The following ADGRE3 variants were observed in gnomAD, a reference collection of about 807,000 sequenced individuals.
The protein encoded by ADGRE3 is adhesion G protein-coupled receptor E3.
ADGRE3 carries 88 observed loss-of-function variants against 80.1 expected under a neutral mutation model. That is an observed-to-expected ratio of 1.10 (90% CI 0.93 to 1.31). ADGRE3 has a LOEUF of 1.31. Among genes scored for constraint, ADGRE3 ranks in the 40% most tolerant of loss-of-function variants. ADGRE3 has a pLI of 0.00. For synonymous variants in ADGRE3, 281 were observed against 294.8 expected, an observed-to-expected ratio of 0.95 and a Z score of 0.48; for missense variants, 715 against 776.5, an observed-to-expected ratio of 0.92 and a Z score of 0.94.
At chr19:14,651,325 G>T in intron 6 of ADGRE3, 121 bp from the exon 7 acceptor site, 1 of 1,089,176 alleles carries the variant, frequency 9.2e-7, no homozygotes, top group Non-Finnish European at 1.3e-6. Flanking sequence ...TGAGGCAGAA[G>T]GATTGCTTGG....
At chr19:14,619,085 A>C (rs1011769960), downstream of ADGRE3, 3 of 297,456 alleles carry the variant, frequency 1.0e-5, no homozygotes, top group Admixed American at 1.7e-4. Context: ...TGGGTGACAG[A>C]GTGAAACTCT....
At chr19:14,629,760 T>G (rs1970826965) in intron 14 of ADGRE3, among the ~76,000 whole-genome samples, 1 of 152,172 alleles carries the variant, frequency 6.6e-6, no homozygotes, top group Non-Finnish European at 1.5e-5. Flanking sequence ...TTTGAGGTTG[T>G]TTGTTACACA....
At chr19:14,670,340 G>C (rs906800516) in intron 1 of ADGRE3, among the ~76,000 whole-genome samples, 1 of 152,098 alleles carries the variant, frequency 6.6e-6, no homozygotes, top group Middle Eastern at 3.2e-3. Flanking sequence ...AGCTGATGAG[G>C]CTGCATTTCC....
chr19:14,624,857 T>C (rs573525971), intron 15 of ADGRE3, among the ~76,000 whole-genome samples: 17 of 151,628 alleles, frequency 1.1e-4, no homozygotes, highest in African/African-American at 4.1e-4. Context: ...CACTTGTAAG[T>C]GGGAGCTGAA....
At chr19:14,629,168 C>G (rs1175853827) in intron 14 of ADGRE3, among the ~76,000 whole-genome samples, 4 of 152,132 alleles carry the variant, frequency 2.6e-5, no homozygotes, top group African/African-American at 9.7e-5. Flanking sequence ...AAGTGATCCC[C>G]CTGTGCTGGC....
At chr19:14,603,444 A>G in the ADGRE3 span, among the ~76,000 whole-genome samples, 1 of 152,108 alleles carries the variant, frequency 6.6e-6, no homozygotes, top group African/African-American at 2.4e-5. Flanking sequence ...CAATGAGACA[A>G]TCTGTGCAAA....
intron 15 of ADGRE3, chr19:14,621,988 G>C: frequency 9.8e-7 from 1 of 1,021,304 alleles, no homozygotes; most frequent in South Asian, 1.6e-5. Context: ...GGACCGGCTG[G>C]GGTAATTTGT....
intron 9 of ADGRE3, 89 bp downstream of exon 9, chr19:14,644,019 G>GTTTT: frequency 2.4e-5 from 16 of 673,026 alleles, no homozygotes; most frequent in East Asian, 1.5e-4. Flanking sequence ...CCTTTTTTCA[G>GTTTT]TTTTTTTTTT....
chr19:14,652,489 C>G (rs937667369), intron 6 of ADGRE3, among the ~76,000 whole-genome samples: 1 of 151,700 alleles, frequency 6.6e-6, no homozygotes, highest in Non-Finnish European at 1.5e-5. Context: ...AAGAATGACA[C>G]TATTTTATGG....
At chr19:14,629,772 C>A (rs1045639270) in intron 14 of ADGRE3, among the ~76,000 whole-genome samples, 2 of 152,058 alleles carry the variant, frequency 1.3e-5, no homozygotes, top group Non-Finnish European at 2.9e-5. Context: ...TGTTACACAG[C>A]ATTAGCTGAC....
intron 7 of ADGRE3, among the ~76,000 whole-genome samples, chr19:14,650,515 TC>T (rs1001373752): frequency 9.9e-5 from 15 of 151,622 alleles, no homozygotes; most frequent in African/African-American, 3.6e-4. Context: ...CATCTGTCTC[TC>T]CCCATGTCTC....
chr19:14,629,905 A>T, intron 14 of ADGRE3, 134 bp downstream of exon 14: 1 of 525,412 alleles, frequency 1.9e-6, no homozygotes, highest in East Asian at 2.9e-5. Flanking sequence ...AAAGTAGAGA[A>T]AATAGAGAGA....
intron 14 of ADGRE3, 101 bp downstream of exon 14, chr19:14,629,938 C>A: frequency 1.4e-6 from 1 of 728,310 alleles, no homozygotes. Context: ...GGATTATAAT[C>A]TCATGTGGAA....
intron 10 of ADGRE3, among the ~76,000 whole-genome samples, chr19:14,638,944 C>G (rs1971175044): frequency 6.6e-6 from 1 of 152,150 alleles, no homozygotes; most frequent in Non-Finnish European, 1.5e-5. Flanking sequence ...CTCTGTCACC[C>G]AGGCTGGAGT....
intron 9 of ADGRE3, among the ~76,000 whole-genome samples, chr19:14,643,875 G>A (rs142483365): frequency 1.8e-4 from 27 of 151,958 alleles, no homozygotes; most frequent in African/African-American, 6.0e-4. Context: ...TATGTTTGGC[G>A]AATTTTTGTA....
intron 13 of ADGRE3, among the ~76,000 whole-genome samples, chr19:14,630,757 T>TATAAAG (rs1461764171): frequency 6.6e-6 from 1 of 152,166 alleles, no homozygotes; most frequent in East Asian, 1.9e-4. Flanking sequence ...GTGGGGTTGC[T>TATAAAG]ATAAAGATTA....
At chr19:14,602,417 C>G in the ADGRE3 span, among the ~76,000 whole-genome samples, 16 of 152,066 alleles carry the variant, frequency 1.1e-4, no homozygotes, top group Non-Finnish European at 2.2e-4. Flanking sequence ...AGCTCCCCAC[C>G]AAGTAGCTGG....
intron 5 of ADGRE3, among the ~76,000 whole-genome samples, chr19:14,657,871 C>T (rs1971815328): frequency 6.6e-6 from 1 of 152,048 alleles, no homozygotes; most frequent in Non-Finnish European, 1.5e-5. Context: ...TCAAGTGATT[C>T]TCCTGCCTCA....
At position 14,647,139 on chromosome 19, in the gene ADGRE3, C is replaced by T. The variant is rs1266362836; in HGVS notation, c.882+42G>A. 4 of 1,560,780 alleles carry T rather than the reference C, an allele frequency of 2.6e-6. No individual in the cohort carries two copies. The East Asian group carries it at 6.7e-5, about 26-fold the overall frequency. On this transcript the variant is annotated intron_variant, in intron 8 of 15. Coordinates refer to ENST00000253673, the MANE Select transcript of ADGRE3 (RefSeq NM_032571.5). ...ATGATACACACATCGTTTGGCCTGC[C>T]TCCTTGAGAACCCACAAGCTCAAAT...
Sources: allele counts gnomAD v4.1 joint callset (sites outside exome capture counted in the v4.1 genomes callset), GRCh38; gene constraint gnomAD v4.1.1; transcripts MANE v1.5; gene names NCBI Gene and HGNC (gene_info 2026-07-23, HGNC 2026-07-21).